The following MARCHF6 variants were observed in gnomAD, a reference collection of about 807,000 sequenced individuals.
MARCHF6 encodes the protein membrane associated ring-CH-type finger 6.
MARCHF6 carries 31 observed loss-of-function variants against 133.7 expected under a neutral mutation model. That is an observed-to-expected ratio of 0.23 (90% confidence interval 0.17 to 0.31). The LOEUF (loss-of-function observed/expected upper bound fraction) is 0.31. Among genes scored for constraint, MARCHF6 ranks in the 10% least tolerant of loss-of-function variants. The probability of loss-of-function intolerance (pLI) is 1.00; values close to 1 mark genes in which losing one functional copy is unlikely to be tolerated. For synonymous variants in MARCHF6, 395 were observed against 402.5 expected, an observed-to-expected ratio of 0.98 and a Z score of 0.22; for missense variants, 723 against 1,121.6, an observed-to-expected ratio of 0.64 and a Z score of 5.08.
intron 7 of MARCHF6, 144 bp downstream of exon 7, chr5:10,391,875 C>CA: frequency 1.3e-6 from 1 of 776,976 alleles, no homozygotes; most frequent in East Asian, 3.4e-5. Flanking sequence ...GGCAAACTGG[C>CA]ATTTATGGAT....
At chr5:10,358,299 G>A (rs76430897) in intron 1 of MARCHF6, among the ~76,000 whole-genome samples, 7,595 of 152,210 alleles carry the variant, frequency 0.05, 650 homozygotes, top group African/African-American at 0.17. Flanking sequence ...AGCCAATGGG[G>A]AGAGAGCATG....
intron 11 of MARCHF6, 177 bp downstream of exon 11, chr5:10,401,019 T>C: frequency 1.8e-6 from 1 of 543,240 alleles, no homozygotes; most frequent in Non-Finnish European, 3.2e-6. Context: ...GAGATAGTGG[T>C]CATGTTGCCA....
chr5:10,433,618 G>C lies in MARCHF6; in HGVS notation c.2667G>C (p.Val889=), dbSNP rs764063498. The change falls in exon 26 of 26, where the codon GTG becomes GTC. Residue 889 remains valine (V), a synonymous_variant. Coordinates refer to ENST00000274140, the MANE Select transcript of MARCHF6 (RefSeq NM_005885.4). ...GGTACCTTGTGGGTCAACGACTCGT[G>C]AACTACGAACGGAAATCTGGCAAAC... is the stretch of plus-strand genomic sequence containing the variant. The part of the protein sequence containing the change: ...NDKYLVGQRL[V]NYERKSGKQG... 6.2e-7 allele frequency: 1 copy of C among 1,614,172 alleles called. No individual in the cohort carries two copies. Among genetic ancestry groups the C allele is most frequent in the Non-Finnish European group, 8.5e-7 (1 of 1,180,016 alleles).
chr5:10,407,703 C>T (rs1243787394), intron 17 of MARCHF6, among the ~76,000 whole-genome samples: 2 of 152,218 alleles, frequency 1.3e-5, no homozygotes, highest in African/African-American at 4.8e-5. Context: ...CCTGTAATCC[C>T]AGCACTTTGG....
intron 17 of MARCHF6, among the ~76,000 whole-genome samples, chr5:10,408,053 C>T (rs571228376): frequency 1.3e-5 from 2 of 151,378 alleles, no homozygotes; most frequent in African/African-American, 4.8e-5. Context: ...ATTATCCCCA[C>T]AGTCATTATC....
intron 1 of MARCHF6, among the ~76,000 whole-genome samples, chr5:10,364,264 C>T (rs1296701652): frequency 6.6e-6 from 1 of 152,146 alleles, no homozygotes; most frequent in Admixed American, 6.5e-5. Context: ...TACACCACTT[C>T]TTCTGGGGAG....
At chr5:10,392,265 CT>C (rs1027054166) in intron 7 of MARCHF6, among the ~76,000 whole-genome samples, 1 of 152,110 alleles carries the variant, frequency 6.6e-6, no homozygotes, top group Non-Finnish European at 1.5e-5. Context: ...CTACACAGGA[CT>C]TTTTTAATAG....
At chr5:10,415,248 T>C (rs1284161661) in intron 20 of MARCHF6, among the ~76,000 whole-genome samples, 1 of 152,234 alleles carries the variant, frequency 6.6e-6, no homozygotes, top group Non-Finnish European at 1.5e-5. Context: ...GCATGACAAA[T>C]CAGAGTGTAT....
chr5:10,379,477 A>G (rs1259223257), intron 3 of MARCHF6, among the ~76,000 whole-genome samples: 20 of 149,054 alleles, frequency 1.3e-4, no homozygotes, highest in African/African-American at 5.0e-4. Context: ...TTTTTTTGAG[A>G]CAGAATCTCG....
In MARCHF6 at chr5:10,437,360, AG is replaced by A. The variant is rs1381583333; in HGVS notation, c.*3677del. 6.6e-6 allele frequency: 1 copy of A among 152,230 alleles called. No homozygotes were observed. Among genetic ancestry groups the A allele is most frequent in the Non-Finnish European group, 1.5e-5 (1 of 68,032 alleles). 9.4% of individuals were successfully genotyped at this position (152,230 alleles called of 1,614,324 possible). On this transcript the variant is annotated 3_prime_UTR_variant, in exon 26 of 26. Coordinates refer to ENST00000274140, the MANE Select transcript of MARCHF6 (RefSeq NM_005885.4). ...GTCTTACCAGTAAAGTATTATTAAA[AG>A]CCTCATTTGTGGAGATTCGCTGACT...
At chr5:10,373,660 G>T (rs1044426978) in intron 1 of MARCHF6, among the ~76,000 whole-genome samples, 1 of 152,118 alleles carries the variant, frequency 6.6e-6, no homozygotes, top group African/African-American at 2.4e-5. Context: ...TTCCTGGAGG[G>T]CAGCGTCCCA....
At chr5:10,365,193 C>G (rs1036191824) in intron 1 of MARCHF6, among the ~76,000 whole-genome samples, 1 of 152,158 alleles carries the variant, frequency 6.6e-6, no homozygotes, top group African/African-American at 2.4e-5. Flanking sequence ...GTGCAGTTTT[C>G]AGGCTTCCAG....
intron 24 of MARCHF6, among the ~76,000 whole-genome samples, chr5:10,426,942 C>G (rs1269350892): frequency 6.6e-6 from 1 of 152,234 alleles, no homozygotes; most frequent in Admixed American, 6.5e-5. Flanking sequence ...TACTGAAATA[C>G]ACTGTCTTGT....
rs1740539296 is a variant in MARCHF6 at position 10,435,078 on chromosome 5, G to A, written c.*1394G>A. ...GAACGATAATTTAGAAGTTCTCATA[G>A]AAAGCGTATAACATAGGTCTTCAGA... On this transcript the variant is annotated 3_prime_UTR_variant, in exon 26 of 26. Transcript: ENST00000274140. The A allele has an allele frequency of 6.6e-6, 1 of 152,564 alleles. No homozygotes were observed. The highest frequency in any genetic ancestry group is 1.5e-5 in the Non-Finnish European group (1 of 68,038). 9.5% of individuals were successfully genotyped at this position (152,564 alleles called of 1,614,324 possible).
intron 25 of MARCHF6, among the ~76,000 whole-genome samples, chr5:10,432,899 CTTTTTT>C (rs752051489): frequency 7.3e-6 from 1 of 136,220 alleles, no homozygotes; most frequent in Non-Finnish European, 1.6e-5. Context: ...TCCCTTCCTA[CTTTTTT>C]TTTTTTTTTT....
chr5:10,394,116 AGCT>A lies in MARCHF6; in HGVS notation c.806_808del (p.Ala269del). 1 of 1,574,166 alleles carries A rather than the reference AGCT, an allele frequency of 6.4e-7. No individual in the cohort carries two copies. The highest frequency in any genetic ancestry group is 8.6e-7 in the Non-Finnish European group (1 of 1,158,716). On this transcript the variant is annotated inframe_deletion, in exon 8 of 26. Coordinates refer to ENST00000274140, the MANE Select transcript of MARCHF6 (RefSeq NM_005885.4). ...ATTGGAATGCTTTAGAATGGGACCGAGCTGCTGAAGAGCTTACATGGGAAAGAG... is the reference window on the plus strand; with the variant it reads ...ATTGGAATGCTTTAGAATGGGACCGAGCTGAAGAGCTTACATGGGAAAGAG...
intron 10 of MARCHF6, among the ~76,000 whole-genome samples, chr5:10,398,475 G>A (rs1487431967): frequency 1.3e-5 from 2 of 152,006 alleles, no homozygotes; most frequent in African/African-American, 4.8e-5. Flanking sequence ...GATTTATTAG[G>A]ATTTTTTGTT....
intron 17 of MARCHF6, among the ~76,000 whole-genome samples, chr5:10,409,240 T>C (rs1307237833): frequency 8.5e-5 from 13 of 152,276 alleles, no homozygotes; most frequent in Admixed American, 7.9e-4. Context: ...AAAATACTTA[T>C]ATCCTGATTA....
intron 4 of MARCHF6, 144 bp from the exon 5 acceptor site, chr5:10,386,850 A>G: frequency 5.1e-6 from 3 of 582,624 alleles, no homozygotes; most frequent in Non-Finnish European, 9.5e-6. Context: ...TAAAAATTTA[A>G]TATTTTGAGA....
Sources: allele counts gnomAD v4.1 joint callset (sites outside exome capture counted in the v4.1 genomes callset), GRCh38; gene constraint gnomAD v4.1.1; transcripts MANE v1.5; gene names NCBI Gene and HGNC (gene_info 2026-07-23, HGNC 2026-07-21).